SLC44A2: variants seen among roughly 807,000 people sequenced by gnomAD.
SLC44A2 encodes choline transporter-like protein 2.
In SLC44A2, 57 loss-of-function variants were observed where a neutral mutation model predicts 90.8. That is an observed-to-expected ratio of 0.63 (90% CI 0.51 to 0.78). SLC44A2 has a LOEUF of 0.78. SLC44A2 is among the 30% of genes least tolerant of loss of function. The pLI is 0.00. For missense variants in SLC44A2, 794 were observed against 919.7 expected, an observed-to-expected ratio of 0.86 and a Z score of 1.77; for synonymous variants, 355 against 360.7, an observed-to-expected ratio of 0.98 and a Z score of 0.18.
chr19:10,642,565 C>A, intron 21 of SLC44A2, 114 bp downstream of exon 21: 1 of 1,016,226 alleles, frequency 9.8e-7, no homozygotes, highest in Non-Finnish European at 1.5e-6. Context: ...TTCCCCAGGG[C>A]TTGGCTGTCC....
At chr19:10,636,830 GC>G in intron 16 of SLC44A2, 74 bp downstream of exon 16, 1 of 1,460,276 alleles carries the variant, frequency 6.8e-7, no homozygotes, top group Non-Finnish European at 9.3e-7. Flanking sequence ...ATTGGGTCTT[GC>G]TTGGAGGTGG....
At chr19:10,613,225 T>C (rs1309750428) in intron 1 of SLC44A2, among the ~76,000 whole-genome samples, 1 of 151,504 alleles carries the variant, frequency 6.6e-6, no homozygotes, top group Non-Finnish European at 1.5e-5. Context: ...ACCCAGATAA[T>C]ATAGTTATTT....
chr19:10,626,149 T>G (rs2066930781), intron 1 of SLC44A2, 104 bp from the exon 2 acceptor site: 1 of 926,392 alleles, frequency 1.1e-6, no homozygotes, highest in Non-Finnish European at 1.8e-6. Context: ...ATTTTATTCT[T>G]GCCAAGGCAA....
chr19:10,632,247 A>G, intron 10 of SLC44A2, 91 bp downstream of exon 10: 1 of 1,250,620 alleles, frequency 8.0e-7, no homozygotes. Flanking sequence ...GAAAACAAAA[A>G]AAAGTCAGGC....
intron 4 of SLC44A2, among the ~76,000 whole-genome samples, chr19:10,628,724 T>A (rs1287759901): frequency 6.6e-6 from 1 of 152,062 alleles, no homozygotes; most frequent in Non-Finnish European, 1.5e-5. Flanking sequence ...GGATTACGCG[T>A]CAGGTGGTGA....
chr19:10,618,171 ATTTTTT>A (rs548727188), intron 1 of SLC44A2, among the ~76,000 whole-genome samples: 4 of 112,858 alleles, frequency 3.5e-5, no homozygotes, highest in Non-Finnish European at 3.5e-5. Flanking sequence ...TGCCTGGCTA[ATTTTTT>A]TTTTTTTTTT....
upstream of SLC44A2, among the ~76,000 whole-genome samples, chr19:10,621,049 CAA>C (rs1220393404): frequency 2.6e-5 from 4 of 151,900 alleles, no homozygotes; most frequent in Non-Finnish European, 4.4e-5. Context: ...ATAATAACAA[CAA>C]AGAGAAAGTC....
rs531881857 is a variant in SLC44A2, at chr19:10,635,352, G to A, written c.1149-79G>A. 35 of 1,603,744 alleles carry A rather than the reference G, an allele frequency of 2.2e-5. No homozygotes were observed. In the East Asian group the frequency reaches 6.7e-4, roughly 31 times the overall value. On this transcript the variant is annotated intron_variant, in intron 13 of 21. Coordinates refer to ENST00000335757, the MANE Select transcript of SLC44A2 (RefSeq NM_020428.4). ...CAGCTTAGGGATAGGGCTGGAAACT[G>A]GTGGGAGAATGGATTCTTTCCCACA...
At chr19:10,603,901 G>A (rs1599564001) in intron 1 of SLC44A2, among the ~76,000 whole-genome samples, 8 of 152,300 alleles carry the variant, frequency 5.3e-5, no homozygotes, top group African/African-American at 1.4e-4. Flanking sequence ...ACAGGGACGA[G>A]GGGCAGAATG....
At chr19:10,636,971 A>T in intron 16 of SLC44A2, 3 of 520,896 alleles carry the variant, frequency 5.8e-6, no homozygotes, top group Non-Finnish European at 1.0e-5. Context: ...CTTGCTGTTG[A>T]GGGGACAGGC....
chr19:10,630,595 A>T (rs1484724052), intron 4 of SLC44A2, among the ~76,000 whole-genome samples: 1 of 148,952 alleles, frequency 6.7e-6, no homozygotes, highest in African/African-American at 2.5e-5. Context: ...CAGGAGGCGG[A>T]GGTTGTAGTG....
chr19:10,642,333 A>G (rs2144897527), intron 20 of SLC44A2, 34 bp from the exon 21 acceptor site: 1 of 1,590,472 alleles, frequency 6.3e-7, no homozygotes, highest in Non-Finnish European at 8.6e-7. Context: ...TGGGAAGGAC[A>G]CGGAGCAGGG....
intron 20 of SLC44A2, among the ~76,000 whole-genome samples, chr19:10,639,185 C>T (rs756378655): frequency 3.3e-5 from 5 of 152,168 alleles, no homozygotes; most frequent in African/African-American, 9.7e-5. Flanking sequence ...CCGCCCGCCT[C>T]GGGCTCGCAG....
chr19:10,631,555 G>T lies in SLC44A2; in HGVS notation c.502+20G>T. On this transcript the variant is annotated intron_variant, in intron 7 of 21. Transcript: ENST00000335757. Reference sequence around the variant, plus strand: ...AACCCTGTGAGTCAGGGGATCCCAGGAGGCTCAGGTGGTGACGGGGAGGCT... The same window carrying T: ...AACCCTGTGAGTCAGGGGATCCCAGTAGGCTCAGGTGGTGACGGGGAGGCT... 1 of 1,614,034 alleles carries T rather than the reference G, an allele frequency of 6.2e-7. No individual in the cohort carries two copies. Among genetic ancestry groups the T allele is most frequent in the African/African-American group, 1.3e-5 (1 of 75,048 alleles).
intron 21 of SLC44A2, chr19:10,642,795 C>G: frequency 7.3e-7 from 1 of 1,366,720 alleles, no homozygotes; most frequent in South Asian, 1.4e-5. Context: ...CTCTCTTCCT[C>G]TCCTCCATGC....
intron 1 of SLC44A2, among the ~76,000 whole-genome samples, chr19:10,602,739 C>T (rs1409594357): frequency 2.6e-5 from 4 of 152,162 alleles, no homozygotes; most frequent in Admixed American, 2.6e-4. Context: ...CGGGTCGCCC[C>T]GCGTCCCCTC....
Position 10,631,531 on chromosome 19 carries a change from AC to A in SLC44A2, c.501del (p.Leu168TrpfsTer16). ...DCPAVLIPSK[P>X]LARRCFPAIH... ...GCCCTGCTGTCCTCATCCCCAGCAA[AC>A]CCTGTGAGTCAGGGGATCCCAGGAG... is the stretch of plus-strand genomic sequence containing the variant. On this transcript the variant is annotated frameshift_variant, in exon 7 of 22. Transcript: ENST00000335757. LOFTEE classifies it high-confidence loss of function. 1 of 1,613,920 alleles carries A rather than the reference AC, an allele frequency of 6.2e-7. No individual in the cohort carries two copies. Among genetic ancestry groups the A allele is most frequent in the Non-Finnish European group, 8.5e-7 (1 of 1,180,006 alleles).
intron 14 of SLC44A2, chr19:10,635,919 T>TA (rs1176546848): frequency 1.2e-5 from 3 of 253,780 alleles, no homozygotes; most frequent in African/African-American, 7.0e-5. Flanking sequence ...GCTGGGATTA[T>TA]AGGCACACAC....
chr19:10,606,747 G>C (rs571426365), intron 1 of SLC44A2, among the ~76,000 whole-genome samples: 1 of 151,906 alleles, frequency 6.6e-6, no homozygotes, highest in Non-Finnish European at 1.5e-5. Flanking sequence ...GGAGGCAGAG[G>C]TTGCAGTGAG....
Sources: allele counts gnomAD v4.1 joint callset (sites outside exome capture counted in the v4.1 genomes callset), GRCh38; gene constraint gnomAD v4.1.1; transcripts MANE v1.5; gene names NCBI Gene and HGNC (gene_info 2026-07-23, HGNC 2026-07-21).